Variants in AGBL1 observed in about 807,000 individuals in gnomAD.
AGBL1 encodes AGBL carboxypeptidase 1.
Under a neutral mutation model 118.9 loss-of-function variants are expected in AGBL1, and 130 were observed. The observed-to-expected ratio is 1.09, with a 90% CI of 0.95 to 1.26. The LOEUF (loss-of-function observed/expected upper bound fraction) is 1.26, where lower values mean the gene tolerates loss of function less well. Among genes scored for constraint, AGBL1 ranks in the 50% most tolerant of loss-of-function variants. The probability of loss-of-function intolerance (pLI) is 0.00; values close to 1 mark genes in which losing one functional copy is unlikely to be tolerated. For missense variants in AGBL1, 1,584 were observed against 1,298.1 expected (o/e 1.22, Z -3.38); for synonymous variants, 555 against 478.9 (o/e 1.16, Z -2.08).
At chr15:86,110,621 A>G (rs919908494) in intron 1 of AGBL1, among the ~76,000 whole-genome samples, 9 of 152,212 alleles carry the variant, frequency 5.9e-5, no homozygotes, top group Admixed American at 2.0e-4. Flanking sequence ...TCCAAGGGCC[A>G]ACTCTAGTAG....
chr15:86,533,993 G>A (rs1286611109), intron 19 of AGBL1, among the ~76,000 whole-genome samples: 1 of 117,836 alleles, frequency 8.5e-6, no homozygotes, highest in Non-Finnish European at 1.7e-5. Context: ...GGGTAGCATT[G>A]GGAGATATAC....
chr15:86,118,692 G>A (rs1326144971), intron 1 of AGBL1, among the ~76,000 whole-genome samples: 1 of 151,114 alleles, frequency 6.6e-6, no homozygotes, highest in Non-Finnish European at 1.5e-5. Context: ...GGAAATAGGA[G>A]TTCTTCTCTT....
At chr15:86,154,209 C>T (rs529316791) in intron 3 of AGBL1, among the ~76,000 whole-genome samples, 1 of 152,100 alleles carries the variant, frequency 6.6e-6, no homozygotes, top group African/African-American at 2.4e-5. Context: ...AGTTATTCAA[C>T]CCACAAGCTT....
intron 23 of AGBL1, among the ~76,000 whole-genome samples, chr15:86,947,534 C>G (rs1226607062): frequency 6.6e-6 from 1 of 152,130 alleles, no homozygotes; most frequent in South Asian, 2.1e-4. Context: ...GATTGCTGAG[C>G]TAATTCCAGC....
rs1003237321 is a variant in AGBL1 at position 86,268,047 on chromosome 15, C to T, written c.1838+971C>T. On this transcript the variant is annotated intron_variant, in intron 13 of 22. Transcript: ENST00000614907. ...AGAGCTAAGTAATACACTTAAGTCT[C>T]TTAGAGTAGTACCTGGCGCATGGTC... 3.3e-5 allele frequency among the ~76,000 whole-genome samples: 5 copies of T among 152,214 alleles called. No individual in the cohort carries two copies. The South Asian group carries it at 1.0e-3, about 32-fold the overall frequency.
intron 22 of AGBL1, among the ~76,000 whole-genome samples, chr15:86,798,339 A>G (rs1289976532): frequency 6.6e-6 from 1 of 152,156 alleles, no homozygotes; most frequent in Admixed American, 6.5e-5. Context: ...GACACACACT[A>G]CAAGGGTGTT....
At chr15:86,964,045 G>C in intron 23 of AGBL1, among the ~76,000 whole-genome samples, 1 of 149,780 alleles carries the variant, frequency 6.7e-6, no homozygotes, top group Admixed American at 6.7e-5. Flanking sequence ...GTGTGTGTGT[G>C]TGTGTGTGTG....
At chr15:86,988,512 T>TTAA (rs2081306719) in intron 24 of AGBL1, 1 of 152,826 alleles carries the variant, frequency 6.5e-6, no homozygotes, top group Non-Finnish European at 1.5e-5. Context: ...ATTTTATAGA[T>TTAA]TAATTTGAGA....
At chr15:86,901,838 TTA>T (rs2080216141) in intron 22 of AGBL1, among the ~76,000 whole-genome samples, 2 of 152,166 alleles carry the variant, frequency 1.3e-5, no homozygotes, top group African/African-American at 4.8e-5. Flanking sequence ...ACTAAGCATT[TTA>T]TATATGTTTT....
intron 22 of AGBL1, among the ~76,000 whole-genome samples, chr15:86,814,542 C>T (rs1176559693): frequency 6.6e-6 from 1 of 152,202 alleles, no homozygotes; most frequent in Non-Finnish European, 1.5e-5. Flanking sequence ...AACACATTCT[C>T]TGGATCTCAA....
rs530889758 is a variant in AGBL1 at position 86,266,881 on chromosome 15, C to T, written c.1752-109C>T. On this transcript the variant is annotated intron_variant, in intron 12 of 22. Coordinates refer to ENST00000614907, the MANE Select transcript of AGBL1 (RefSeq NM_001386094.1). ...CCGCCCTGCACTCCAGCCTGGGCAA[C>T]AGAGTGAGATTCTGTCTCAAAAAAA... 4.6e-5 allele frequency: 45 copies of T among 979,618 alleles called. No individual in the cohort carries two copies. In the East Asian group the frequency reaches 1.1e-3, roughly 24 times the overall value. 60.7% of individuals were successfully genotyped at this position (979,618 alleles called of 1,614,324 possible).
intron 18 of AGBL1, among the ~76,000 whole-genome samples, chr15:86,440,696 T>C (rs1170000402): frequency 6.6e-6 from 1 of 152,094 alleles, no homozygotes. Flanking sequence ...TAACCCAAGG[T>C]AGAGTATGTA....
At chr15:86,823,002 G>A (rs2078962899) in intron 22 of AGBL1, among the ~76,000 whole-genome samples, 1 of 152,154 alleles carries the variant, frequency 6.6e-6, no homozygotes. Flanking sequence ...CACATGAGCA[G>A]CCAAGATGGA....
At chr15:86,404,191 A>C (rs1175840188) in intron 18 of AGBL1, among the ~76,000 whole-genome samples, 3 of 152,186 alleles carry the variant, frequency 2.0e-5, no homozygotes, top group Non-Finnish European at 4.4e-5. Context: ...GCCATGGCGC[A>C]GCCTTGCCCA....
intron 21 of AGBL1, among the ~76,000 whole-genome samples, chr15:86,632,449 C>CA (rs973007571): frequency 2.0e-5 from 3 of 151,702 alleles, no homozygotes; most frequent in Non-Finnish European, 4.4e-5. Context: ...GTCTCAACAA[C>CA]AAAAAAATGT....
chr15:86,818,728 C>T (rs755678421), intron 22 of AGBL1, among the ~76,000 whole-genome samples: 5 of 152,140 alleles, frequency 3.3e-5, no homozygotes, highest in Non-Finnish European at 7.3e-5. Flanking sequence ...GGAATAAATA[C>T]TTGCAGGCCA....
intron 22 of AGBL1, among the ~76,000 whole-genome samples, chr15:86,815,325 G>T (rs1224867580): frequency 6.6e-6 from 1 of 152,060 alleles, no homozygotes; most frequent in Non-Finnish European, 1.5e-5. Context: ...GATGAGTTGG[G>T]TCACATCAGT....
intron 22 of AGBL1, among the ~76,000 whole-genome samples, chr15:86,819,990 T>C (rs1447068726): frequency 6.6e-6 from 1 of 151,996 alleles, no homozygotes; most frequent in African/African-American, 2.4e-5. Flanking sequence ...TAATGTCACG[T>C]ATCTACAACC....
intron 22 of AGBL1, among the ~76,000 whole-genome samples, chr15:86,778,940 T>C (rs902798565): frequency 3.9e-5 from 6 of 152,190 alleles, no homozygotes; most frequent in African/African-American, 1.4e-4. Flanking sequence ...TATAAAAGTA[T>C]TAATTTGGGG....
Sources: allele counts gnomAD v4.1 joint callset (sites outside exome capture counted in the v4.1 genomes callset), GRCh38; gene constraint gnomAD v4.1.1; transcripts MANE v1.5; gene names NCBI Gene and HGNC (gene_info 2026-07-23, HGNC 2026-07-21).